SMOC1: variants seen among roughly 807,000 people sequenced by gnomAD.
SMOC1 encodes the protein SPARC related modular calcium binding 1.
SMOC1 carries 22 observed loss-of-function variants against 56.3 expected under a neutral mutation model. The ratio of observed to expected loss-of-function variants is 0.39; its 90% CI spans 0.28 to 0.56. The LOEUF (loss-of-function observed/expected upper bound fraction) is 0.56. SMOC1 is among the 20% of genes least tolerant of loss of function. The pLI is 0.61. For missense variants in SMOC1, 509 were observed against 565.4 expected, an observed-to-expected ratio of 0.90 and a Z score of 1.01; for synonymous variants, 193 against 215.0, an observed-to-expected ratio of 0.90 and a Z score of 0.89.
chr14:69,981,693 G>GT (rs1884183413), intron 5 of SMOC1, among the ~76,000 whole-genome samples: 1 of 152,222 alleles, frequency 6.6e-6, no homozygotes, highest in Admixed American at 6.5e-5. Flanking sequence ...TAGAGGTAAA[G>GT]TTTTGGTTTT....
chr14:69,964,697 C>T (rs1311980903), intron 3 of SMOC1, among the ~76,000 whole-genome samples: 1 of 152,104 alleles, frequency 6.6e-6, no homozygotes, highest in Non-Finnish European at 1.5e-5. Flanking sequence ...ATCAACAACA[C>T]CACCACTTTC....
Position 69,977,984 on chromosome 14 carries a change from T to C in SMOC1, c.526+19T>C, listed in dbSNP as rs757619210. The C allele has an allele frequency of 5.0e-6, 8 of 1,608,356 alleles. 1 individual carries two copies. In the South Asian group the frequency reaches 8.8e-5, roughly 18 times the overall value. The stretch of plus-strand genomic sequence containing the variant: ...AGGAAAGGTGAGTGGAGTTTTATGC[T>C]TTATCTAAATGTTTGCTTCCAAAGG... On this transcript the variant is annotated intron_variant, in intron 5 of 11. Transcript: ENST00000361956.
In SMOC1 at chr14:69,952,016, G is replaced by T. The variant is rs1410873720; in HGVS notation, c.100-122G>T. 9 of 1,143,556 alleles carry T rather than the reference G, an allele frequency of 7.9e-6. 1 individual carries two copies. In the South Asian group the frequency reaches 1.0e-4, roughly 13 times the overall value. The allele number at this position is 1,143,556 out of a possible 1,614,324, so 70.8% of individuals were successfully genotyped here. The stretch of plus-strand genomic sequence containing the variant: ...CTGCTCCGTTCCCTTCACCTTTAGG[G>T]TTTTATTTGGGTTTATTAGGGACTT... On this transcript the variant is annotated intron_variant, in intron 1 of 11. Coordinates refer to ENST00000361956, the MANE Select transcript of SMOC1 (RefSeq NM_001034852.3).
intron 5 of SMOC1, among the ~76,000 whole-genome samples, chr14:69,985,862 CTATTT>C (rs1244014728): frequency 2.0e-5 from 3 of 152,312 alleles, no homozygotes; most frequent in East Asian, 1.9e-4. Context: ...TATAATTATT[CTATTT>C]TATTATTAGT....
Position 70,008,669 on chromosome 14 carries a change from C to G in SMOC1, c.665-2085C>G, listed in dbSNP as rs569644473. 9.8e-5 allele frequency among the ~76,000 whole-genome samples: 15 copies of G among 152,338 alleles called. No individual in the cohort carries two copies. The South Asian group carries it at 2.9e-3, about 29-fold the overall frequency. On this transcript the variant is annotated intron_variant, in intron 7 of 11. Coordinates refer to ENST00000361956, the MANE Select transcript of SMOC1 (RefSeq NM_001034852.3). ...AAGCGCCCCCCTTCTCTCTTTGCCT[C>G]TTGCTTTCGGTCTGATTTATGGCTT...
intron 7 of SMOC1, among the ~76,000 whole-genome samples, chr14:69,999,331 C>G (rs142852636): frequency 2.3e-3 from 344 of 152,248 alleles, no homozygotes; most frequent in African/African-American, 7.7e-3. Flanking sequence ...CCCCACCCCC[C>G]AAGCCAGCAC....
At chr14:70,022,665 T>C (rs945471892) in intron 10 of SMOC1, among the ~76,000 whole-genome samples, 1 of 152,236 alleles carries the variant, frequency 6.6e-6, no homozygotes, top group Admixed American at 6.5e-5. Flanking sequence ...GTCATGACTA[T>C]TTTCACCTTT....
chr14:70,022,075 G>C (rs1409033180), intron 10 of SMOC1, among the ~76,000 whole-genome samples: 1 of 152,170 alleles, frequency 6.6e-6, no homozygotes, highest in East Asian at 1.9e-4. Flanking sequence ...TCCTTCCCCA[G>C]GGGAAGTTGC....
chr14:69,949,567 A>G (rs915464301), intron 1 of SMOC1, among the ~76,000 whole-genome samples: 1 of 152,238 alleles, frequency 6.6e-6, no homozygotes, highest in African/African-American at 2.4e-5. Context: ...AGAGTATTAC[A>G]GGAGATTGTC....
Position 69,879,655 on chromosome 14 carries a change from C to T in SMOC1, c.-24C>T, listed in dbSNP as rs763951992. On this transcript the variant is annotated 5_prime_UTR_variant, in exon 1 of 12. Coordinates refer to ENST00000361956, the MANE Select transcript of SMOC1 (RefSeq NM_001034852.3). The stretch of plus-strand genomic sequence containing the variant: ...GGAGCCCGCGAACCCCGCTCGCTGC[C>T]GGCTGCCCAGCCTGGCTGGCACCAT... 70 of 1,479,418 alleles carry T rather than the reference C, an allele frequency of 4.7e-5. No individual in the cohort carries two copies. Among genetic ancestry groups the T allele is most frequent in the Non-Finnish European group, 6.1e-5 (68 of 1,122,128 alleles). 91.6% of individuals were successfully genotyped at this position (1,479,418 alleles called of 1,614,324 possible).
intron 1 of SMOC1, among the ~76,000 whole-genome samples, chr14:69,916,671 C>A (rs963870278): frequency 6.6e-6 from 1 of 152,248 alleles, no homozygotes; most frequent in Non-Finnish European, 1.5e-5. Flanking sequence ...CCCTAGAAAA[C>A]TGCATGGCTC....
intron 1 of SMOC1, among the ~76,000 whole-genome samples, chr14:69,913,183 G>A (rs1051886176): frequency 6.6e-6 from 1 of 152,210 alleles, no homozygotes. Context: ...CTGTAGGGTT[G>A]TCTTGCTGGG....
At chr14:69,928,617 G>A (rs1276117) in intron 1 of SMOC1, among the ~76,000 whole-genome samples, 1 of 19,114 alleles carries the variant, frequency 5.2e-5, no homozygotes, top group Admixed American at 4.2e-4. Context: ...GTGCTCATTG[G>A]GGGGGGGGTC....
intron 9 of SMOC1, among the ~76,000 whole-genome samples, chr14:70,012,457 T>C (rs11158827): frequency 0.58 from 87,791 of 152,162 alleles, 25,733 homozygotes; most frequent in Admixed American, 0.62. Context: ...TATAGATAGT[T>C]GTGGTGGGTA....
chr14:69,978,361 A>G (rs1380085748), intron 5 of SMOC1, among the ~76,000 whole-genome samples: 1 of 152,138 alleles, frequency 6.6e-6, no homozygotes, highest in Admixed American at 6.6e-5. Flanking sequence ...ACATTTGGGC[A>G]TTTTTCCCCC....
chr14:69,892,535 T>C (rs1005093114), intron 1 of SMOC1, among the ~76,000 whole-genome samples: 1 of 152,216 alleles, frequency 6.6e-6, no homozygotes, highest in African/African-American at 2.4e-5. Context: ...TTTTTTGTTG[T>C]TATGAAAACT....
At chr14:69,993,013 T>C (rs868079464) in intron 6 of SMOC1, among the ~76,000 whole-genome samples, 1 of 150,234 alleles carries the variant, frequency 6.7e-6, no homozygotes, top group Non-Finnish European at 1.5e-5. Context: ...TGGGAAAAGC[T>C]TTTGTGAAGA....
At chr14:70,000,248 T>C (rs1355627492) in intron 7 of SMOC1, among the ~76,000 whole-genome samples, 1 of 152,200 alleles carries the variant, frequency 6.6e-6, no homozygotes, top group African/African-American at 2.4e-5. Context: ...ATACTTTATT[T>C]TGATAAATTT....
At chr14:69,883,432 A>G (rs1484082803) in intron 1 of SMOC1, among the ~76,000 whole-genome samples, 1 of 152,176 alleles carries the variant, frequency 6.6e-6, no homozygotes, top group Non-Finnish European at 1.5e-5. Context: ...CTCCAGGTTC[A>G]TCTACATTGT....
Sources: allele counts gnomAD v4.1 joint callset (sites outside exome capture counted in the v4.1 genomes callset), GRCh38; gene constraint gnomAD v4.1.1; transcripts MANE v1.5; gene names NCBI Gene and HGNC (gene_info 2026-07-23, HGNC 2026-07-21).